Variants in HTR1F observed in about 807,000 individuals in gnomAD.
HTR1F encodes 5-hydroxytryptamine receptor 1F, also known as 5-hydroxytryptamine (serotonin) receptor 1F, G protein-coupled.
HTR1F carries 17 observed loss-of-function variants against 24.0 expected under a neutral mutation model. The observed-to-expected ratio is 0.71, with a 90% confidence interval of 0.48 to 1.06. The LOEUF (loss-of-function observed/expected upper bound fraction) is 1.06, where lower values mean the gene tolerates loss of function less well. HTR1F is among the 50% of genes least tolerant of loss of function. The pLI, the probability that HTR1F is intolerant of heterozygous loss-of-function variation, is 0.00. For synonymous variants in HTR1F, 186 were observed against 156.8 expected, an observed-to-expected ratio of 1.19 and a Z score of -1.39; for missense variants, 391 against 427.8, an observed-to-expected ratio of 0.91 and a Z score of 0.76.
chr3:87,851,751 T>A (rs1224506485), intron 2 of HTR1F, among the ~76,000 whole-genome samples: 4 of 151,710 alleles, frequency 2.6e-5, no homozygotes, highest in Middle Eastern at 6.8e-3. Flanking sequence ...TTTACAGGAT[T>A]AGCATTACCA....
Position 87,869,384 on chromosome 3 carries a change from G to C in HTR1F, c.-43+47260G>C, listed in dbSNP as rs528849385. Among the ~76,000 whole-genome samples the C allele has an allele frequency of 3.7e-5, 5 of 136,788 alleles. No homozygotes were observed. The East Asian group carries it at 1.0e-3, about 29-fold the overall frequency. The allele number at this position is 136,788 out of a possible 152,430, so 89.7% of individuals were successfully genotyped here. A position where few individuals can be genotyped will look rare whatever the true frequency, so the allele number is the denominator to read the frequency against. ...ACAGAACCAATAGGATAGATAGATA[G>C]ACAAACAGATAGATAGATAGATAGA... On this transcript the variant is annotated intron_variant, in intron 2 of 2. Transcript: ENST00000319595.
Position 87,860,459 on chromosome 3 carries a change from C to T in HTR1F, c.-43+38335C>T, listed in dbSNP as rs560435041. 1.1e-4 allele frequency among the ~76,000 whole-genome samples: 17 copies of T among 152,166 alleles called. No homozygotes were observed. The South Asian group carries it at 1.9e-3, about 17-fold the overall frequency. On this transcript the variant is annotated intron_variant, in intron 2 of 2. Transcript: ENST00000319595. The stretch of plus-strand genomic sequence containing the variant: ...TTTTCAATAGAACTCTGACACTAGG[C>T]CACATCTTTATTCAGACATGCTTCC...
intron 2 of HTR1F, among the ~76,000 whole-genome samples, chr3:87,977,534 G>A (rs1289983596): frequency 1.3e-5 from 2 of 150,002 alleles, no homozygotes; most frequent in Admixed American, 6.6e-5. Flanking sequence ...GAGTAGCTGG[G>A]ACTACAGGCA....
chr3:87,808,340 C>G (rs1704106144), intron 1 of HTR1F, among the ~76,000 whole-genome samples: 1 of 151,874 alleles, frequency 6.6e-6, no homozygotes, highest in Non-Finnish European at 1.5e-5. Flanking sequence ...CTGATTCAAT[C>G]TTGGTCAGTT....
chr3:87,916,652 G>A (rs967526646), intron 2 of HTR1F, among the ~76,000 whole-genome samples: 4 of 152,076 alleles, frequency 2.6e-5, no homozygotes, highest in African/African-American at 7.2e-5. Flanking sequence ...GATGGTAAAA[G>A]GTCTTGTCCA....
chr3:87,937,020 A>T (rs1179696796), intron 2 of HTR1F, among the ~76,000 whole-genome samples: 1 of 151,046 alleles, frequency 6.6e-6, no homozygotes, highest in Admixed American at 6.6e-5. Context: ...AACCGGATAG[A>T]TCCATAGCCA....
At chr3:87,895,722 A>T (rs932448991) in intron 2 of HTR1F, among the ~76,000 whole-genome samples, 2 of 152,212 alleles carry the variant, frequency 1.3e-5, no homozygotes, top group Non-Finnish European at 2.9e-5. Flanking sequence ...TGAATATGTC[A>T]TACTTGTAGA....
chr3:87,809,111 A>G (rs375942203), intron 1 of HTR1F, among the ~76,000 whole-genome samples: 1 of 151,822 alleles, frequency 6.6e-6, no homozygotes, highest in East Asian at 1.9e-4. Context: ...TAATTCTTAT[A>G]TGAATAGATT....
intron 2 of HTR1F, among the ~76,000 whole-genome samples, chr3:87,945,222 T>C (rs1488477071): frequency 6.6e-6 from 1 of 151,882 alleles, no homozygotes; most frequent in African/African-American, 2.4e-5. Context: ...TAACTGCCCA[T>C]GTCGAGAGCT....
intron 2 of HTR1F, among the ~76,000 whole-genome samples, chr3:87,942,886 A>C (rs1704604767): frequency 6.6e-6 from 1 of 152,090 alleles, no homozygotes; most frequent in South Asian, 2.1e-4. Flanking sequence ...TCTGCAGCTG[A>C]CTGAGTGATA....
chr3:87,916,754 A>G (rs1465104813), intron 2 of HTR1F, among the ~76,000 whole-genome samples: 1 of 152,104 alleles, frequency 6.6e-6, no homozygotes, highest in East Asian at 1.9e-4. Flanking sequence ...AAGCAATGAG[A>G]TAGCAGCACA....
Position 87,978,890 on chromosome 3 carries a change from G to GAGGTAGGA in HTR1F, c.-42-11815_-42-11814insTAGGAAGG, listed in dbSNP as rs1250443484. ...GATGGAAGGAAGGGAGGGAGGGAGGGAGGAAGGAAGGAAGGAAGGAAGGAA... is the reference window on the plus strand; with the variant it reads ...GATGGAAGGAAGGGAGGGAGGGAGGGAGGTAGGAAGGAAGGAAGGAAGGAAGGAAGGAA... On this transcript the variant is annotated intron_variant, in intron 2 of 2. Transcript: ENST00000319595. Among the ~76,000 whole-genome samples, 165 of 46,168 alleles carry GAGGTAGGA rather than the reference G, an allele frequency of 3.6e-3. 7 individuals carry two copies. The highest frequency in any genetic ancestry group is 0.012 in the African/African-American group (151 of 12,232). The allele number at this position is 46,168 out of a possible 152,430, so 30.3% of individuals were successfully genotyped here.
chr3:87,901,929 T>A (rs1423525584), intron 2 of HTR1F, among the ~76,000 whole-genome samples: 2 of 152,122 alleles, frequency 1.3e-5, no homozygotes, highest in East Asian at 3.8e-4. Context: ...CAAACATTTC[T>A]GAGCTAAAGA....
At chr3:87,820,667 T>C (rs1704341876) in intron 1 of HTR1F, among the ~76,000 whole-genome samples, 1 of 152,018 alleles carries the variant, frequency 6.6e-6, no homozygotes, top group Non-Finnish European at 1.5e-5. Flanking sequence ...TGTAATAAAT[T>C]TGAGAGTTGA....
chr3:87,841,417 C>A (rs116000503), intron 2 of HTR1F, among the ~76,000 whole-genome samples: 1,584 of 151,858 alleles, frequency 0.01, 54 homozygotes, highest in African/African-American at 0.037. Flanking sequence ...TTTTTACTTA[C>A]GATTGCATTA....
intron 2 of HTR1F, among the ~76,000 whole-genome samples, chr3:87,871,226 C>G (rs1705548528): frequency 6.6e-6 from 1 of 151,810 alleles, no homozygotes; most frequent in South Asian, 2.1e-4. Context: ...TTAAAAAGAA[C>G]CAGACATAAA....
intron 2 of HTR1F, among the ~76,000 whole-genome samples, chr3:87,891,472 C>T (rs1007477780): frequency 2.7e-4 from 41 of 152,216 alleles, no homozygotes; most frequent in African/African-American, 9.6e-4. Context: ...TCAAGCATTT[C>T]AAAAACACCT....
At chr3:87,869,117 C>A (rs1705489771) in intron 2 of HTR1F, among the ~76,000 whole-genome samples, 1 of 151,744 alleles carries the variant, frequency 6.6e-6, no homozygotes, top group South Asian at 2.1e-4. Context: ...TTATCACAAC[C>A]TAAGAAATAG....
rs183622267 is a variant in HTR1F at position 87,909,681 on chromosome 3, G to A, written c.-42-81027G>A. Among the ~76,000 whole-genome samples, 9 of 152,044 alleles carry A rather than the reference G, an allele frequency of 5.9e-5. No homozygotes were observed. The East Asian group carries it at 1.7e-3, about 29-fold the overall frequency. Reference sequence around the variant, plus strand: ...CATAGAAGTTTATTTTTTCATTTATGTAAAGAAGCTAAGCTTGAAACCTAG... The same window carrying A: ...CATAGAAGTTTATTTTTTCATTTATATAAAGAAGCTAAGCTTGAAACCTAG... On this transcript the variant is annotated intron_variant, in intron 2 of 2. Coordinates refer to ENST00000319595, the MANE Select transcript of HTR1F (RefSeq NM_001322209.2).
Sources: gnomAD v4.1 joint callset for allele counts (sites outside exome capture counted in the v4.1 genomes callset) on GRCh38, gnomAD v4.1.1 for gene constraint, MANE v1.5 for transcripts, NCBI Gene and HGNC (gene_info 2026-07-23, HGNC 2026-07-21) for gene names.